Variants in RIMS2 observed in about 807,000 individuals in gnomAD.
RIMS2 encodes regulating synaptic membrane exocytosis 2, also known as regulating synaptic membrane exocytosis protein 2.
Under a neutral mutation model 174.4 loss-of-function variants are expected in RIMS2, and 59 were observed. That is an observed-to-expected ratio of 0.34 (90% confidence interval 0.27 to 0.42). RIMS2 has a LOEUF of 0.42. Ranked by LOEUF, RIMS2 falls within the 10% of genes least tolerant of loss-of-function variation. RIMS2 has a pLI of 1.00. For synonymous variants in RIMS2, 606 were observed against 572.5 expected (o/e 1.06, Z -0.84); for missense variants, 1,620 against 1,666.3 (o/e 0.97, Z 0.48).
chr8:103,847,800 A>G (rs1373042252), intron 3 of RIMS2, among the ~76,000 whole-genome samples: 1 of 152,032 alleles, frequency 6.6e-6, no homozygotes, highest in African/African-American at 2.4e-5. Context: ...CAAGGATTAT[A>G]TACATTATGT....
chr8:104,044,390 AG>A (rs1404496835), intron 19 of RIMS2, among the ~76,000 whole-genome samples: 1 of 151,518 alleles, frequency 6.6e-6, no homozygotes. Context: ...TAGAGGGGGA[AG>A]AAAATTCAGA....
chr8:103,736,593 T>C (rs891472501), intron 2 of RIMS2, among the ~76,000 whole-genome samples: 2 of 152,212 alleles, frequency 1.3e-5, no homozygotes, highest in African/African-American at 4.8e-5. Flanking sequence ...CAGTTATGAA[T>C]TGGCTGGCGT....
chr8:103,989,348 G>A lies in RIMS2; in HGVS notation c.2971G>A (p.Gly991Arg), dbSNP rs147193181. 5.8e-5 allele frequency: 94 copies of A among 1,613,402 alleles called. No homozygotes were observed. In the African/African-American group the frequency reaches 9.2e-4, roughly 16 times the overall value. Residue 991 changes from glycine to arginine, a missense_variant, in exon 17 of 24, where the codon GGA becomes AGA. Gly to Arg is a moderately radical substitution (Grantham distance 125). Coordinates refer to ENST00000504942, the Ensembl canonical transcript of RIMS2. ...GCTTCGAGGGACCCGCACTATGACC[G>A]GACATTATAATACAATTAGCCGAAT...
intron 17 of RIMS2, among the ~76,000 whole-genome samples, chr8:103,992,839 C>T (rs1246721926): frequency 6.6e-6 from 1 of 152,164 alleles, no homozygotes; most frequent in Non-Finnish European, 1.5e-5. Context: ...CTTTCATCTC[C>T]TACTTCCATT....
chr8:103,955,674 C>T (rs1322875676), intron 14 of RIMS2, among the ~76,000 whole-genome samples: 1 of 152,116 alleles, frequency 6.6e-6, no homozygotes, highest in Admixed American at 6.5e-5. Flanking sequence ...GGAAGCATTC[C>T]CTTTGAAAAC....
intron 1 of RIMS2, among the ~76,000 whole-genome samples, chr8:103,610,802 G>A (rs1011153021): frequency 2.0e-5 from 3 of 151,930 alleles, no homozygotes; most frequent in African/African-American, 7.2e-5. Flanking sequence ...TTTGTCATGT[G>A]TCTGCCATGT....
At position 103,934,760 on chromosome 8, in the gene RIMS2, C is replaced by T. The variant is rs1008326887; in HGVS notation, c.2376-1791C>T. On this transcript the variant is annotated intron_variant, in intron 12 of 23. Transcript: ENST00000504942. ...TTGCCCAGGCTGGAGTGCAATGGCA[C>T]GATCTCGGCTCACTGCAACCTCCAC... Among the ~76,000 whole-genome samples the T allele has an allele frequency of 3.3e-5, 5 of 151,140 alleles. No homozygotes were observed. In the South Asian group the frequency reaches 6.3e-4, roughly 19 times the overall value.
chr8:104,117,024 T>C (rs2098288624), intron 19 of RIMS2, among the ~76,000 whole-genome samples: 1 of 151,740 alleles, frequency 6.6e-6, no homozygotes, highest in African/African-American at 2.4e-5. Context: ...CGTAAATTTA[T>C]TTGTATAAGA....
At chr8:104,232,974 GA>G (rs34214492) in intron 19 of RIMS2, among the ~76,000 whole-genome samples, 51,374 of 149,778 alleles carry the variant, frequency 0.34, 9,036 homozygotes, top group African/African-American at 0.45. Flanking sequence ...CCAGTGGTAA[GA>G]AAAAAAAAAC....
intron 7 of RIMS2, 25 bp from the exon 11 acceptor site, chr8:103,916,389 T>G (rs2076637969): frequency 1.9e-6 from 3 of 1,559,562 alleles, no homozygotes; most frequent in Non-Finnish European, 2.6e-6. Flanking sequence ...CTGTATAAGA[T>G]TATTATTACT....
At chr8:103,993,738 A>G (rs556701013) in intron 17 of RIMS2, among the ~76,000 whole-genome samples, 1 of 152,288 alleles carries the variant, frequency 6.6e-6, no homozygotes, top group Non-Finnish European at 1.5e-5. Flanking sequence ...ACAATATTAA[A>G]GACACATGCC....
At chr8:103,948,962 C>CAAA (rs35186477) in intron 14 of RIMS2, among the ~76,000 whole-genome samples, 18 of 140,088 alleles carry the variant, frequency 1.3e-4, no homozygotes, top group Non-Finnish European at 2.2e-4. Context: ...CCCATTTTTA[C>CAAA]AAAAAAAAAA....
At chr8:104,005,014 A>G (rs2095522684) in intron 17 of RIMS2, among the ~76,000 whole-genome samples, 1 of 152,216 alleles carries the variant, frequency 6.6e-6, no homozygotes, top group African/African-American at 2.4e-5. Flanking sequence ...TAAGGAAAGA[A>G]GAAAGTCAAA....
rs572029231 is a variant in RIMS2 at position 104,207,821 on chromosome 8, T to A, written c.3335-37095T>A. Among the ~76,000 whole-genome samples, 341 of 149,366 alleles carry A rather than the reference T, an allele frequency of 2.3e-3. 1 individual carries two copies. Among genetic ancestry groups the A allele is most frequent in the African/African-American group, 6.0e-3 (246 of 40,998 alleles). On this transcript the variant is annotated intron_variant, in intron 19 of 23. Transcript: ENST00000504942. ...AGAGCAAAACTCCTTCTCAAAAAAA[T>A]ATATATATATGTATATAATATATAT...
Position 103,905,476 on chromosome 8 carries a change from G to A in RIMS2, c.1625-4658G>A, listed in dbSNP as rs575880858. 6.9e-4 allele frequency among the ~76,000 whole-genome samples: 105 copies of A among 152,002 alleles called. No individual in the cohort carries two copies. In the South Asian group the frequency reaches 8.9e-3, roughly 13 times the overall value. On this transcript the variant is annotated intron_variant, in intron 4 of 23. Coordinates refer to ENST00000504942, the Ensembl canonical transcript of RIMS2. Reference sequence around the variant, plus strand: ...TCATTTGAATTGTTTTTCCCCTTTAGGTAAGGTGTTGCTTTTTTCTTGGAG... The same window carrying A: ...TCATTTGAATTGTTTTTCCCCTTTAAGTAAGGTGTTGCTTTTTTCTTGGAG...
At chr8:103,696,038 T>C (rs1313442081) in intron 1 of RIMS2, among the ~76,000 whole-genome samples, 1 of 152,170 alleles carries the variant, frequency 6.6e-6, no homozygotes, top group Non-Finnish European at 1.5e-5. Context: ...TTGGTCATAA[T>C]CCCTTCAAAT....
rs2095656490 is a variant in RIMS2 at position 104,008,419 on chromosome 8, TAAC to T, written c.3045-5020_3045-5018del. Reference sequence around the variant, plus strand: ...TTTCTGTTATTTTTTAAATAAAAATTAACAATGAAAATTATAAATATTTAATAT... The same window carrying T: ...TTTCTGTTATTTTTTAAATAAAAATTAATGAAAATTATAAATATTTAATAT... On this transcript the variant is annotated intron_variant, in intron 17 of 23. Transcript: ENST00000504942. 5.3e-5 allele frequency among the ~76,000 whole-genome samples: 8 copies of T among 151,644 alleles called. No homozygotes were observed. The South Asian group carries it at 1.7e-3, about 32-fold the overall frequency.
At chr8:104,137,377 C>T (rs1002787594) in intron 19 of RIMS2, among the ~76,000 whole-genome samples, 1 of 152,210 alleles carries the variant, frequency 6.6e-6, no homozygotes, top group South Asian at 2.1e-4. Context: ...TTCGTTAATT[C>T]ATGAGGATTA....
intron 19 of RIMS2, among the ~76,000 whole-genome samples, chr8:104,132,797 A>G (rs1268012855): frequency 6.6e-6 from 1 of 152,138 alleles, no homozygotes; most frequent in Non-Finnish European, 1.5e-5. Flanking sequence ...AAGACTTAGT[A>G]TTTTTTCACG....
Sources: gnomAD v4.1 joint callset for allele counts (sites outside exome capture counted in the v4.1 genomes callset) on GRCh38, gnomAD v4.1.1 for gene constraint, MANE v1.5 for transcripts, NCBI Gene and HGNC (gene_info 2026-07-23, HGNC 2026-07-21) for gene names.